Variants in CUL9 observed in about 807,000 individuals in gnomAD.
The protein encoded by CUL9 is cullin-9.
In CUL9, 79 loss-of-function variants were observed where a neutral mutation model predicts 272.6. That is an observed-to-expected ratio of 0.29 (90% confidence interval 0.24 to 0.35). The LOEUF (loss-of-function observed/expected upper bound fraction) is 0.35, where lower values mean the gene tolerates loss of function less well. Ranked by LOEUF, CUL9 falls within the 10% of genes least tolerant of loss-of-function variation. The pLI is 1.00. For synonymous variants in CUL9, 1,186 were observed against 1,286.5 expected, an observed-to-expected ratio of 0.92 and a Z score of 1.67; for missense variants, 2,532 against 3,255.6, an observed-to-expected ratio of 0.78 and a Z score of 5.41.
At chr6:43,183,685 T>G (rs1772632639) in intron 1 of CUL9, among the ~76,000 whole-genome samples, 1 of 151,944 alleles carries the variant, frequency 6.6e-6, no homozygotes, top group Non-Finnish European at 1.5e-5. Context: ...TCTCTTTTTG[T>G]AAACTCCCCT....
In CUL9 at chr6:43,213,927, G is replaced by T; in HGVS notation, c.5688+15G>T. 1 of 1,613,686 alleles carries T rather than the reference G, an allele frequency of 6.2e-7. No individual in the cohort carries two copies. The highest frequency in any genetic ancestry group is 1.1e-5 in the South Asian group (1 of 91,072). ...TGGTTTGTCTGGTAGGCAGAGAGGGGACCATGAAGTTGGCGGAGGGAGGGA... is the reference window on the plus strand; with the variant it reads ...TGGTTTGTCTGGTAGGCAGAGAGGGTACCATGAAGTTGGCGGAGGGAGGGA... On this transcript the variant is annotated intron_variant, in intron 29 of 40. Coordinates refer to ENST00000252050, the MANE Select transcript of CUL9 (RefSeq NM_015089.4). The surrounding 1 kb of genome is among the most constrained non-coding windows in gnomAD (Gnocchi z 5.7).
intron 3 of CUL9, 68 bp from the exon 4 acceptor site, chr6:43,185,887 T>C: frequency 6.6e-7 from 1 of 1,520,212 alleles, no homozygotes; most frequent in Non-Finnish European, 8.8e-7. Context: ...TAGAGGAGGA[T>C]ACTTCAGGGA....
In CUL9 at chr6:43,223,092, A is replaced by G; in HGVS notation, c.7151-172A>G. 9.8e-7 allele frequency: 1 copy of G among 1,019,514 alleles called. No individual in the cohort carries two copies. The highest frequency in any genetic ancestry group is 2.8e-5 in the Admixed American group (1 of 35,656). The allele number at this position is 1,019,514 out of a possible 1,614,324, so 63.2% of individuals were successfully genotyped here. ...CATTGTAAGGTGCCCAAGGGCGCAGATGTTCGTGGATGTTTCTTGGTTTCT... is the reference window on the plus strand; with the variant it reads ...CATTGTAAGGTGCCCAAGGGCGCAGGTGTTCGTGGATGTTTCTTGGTTTCT... On this transcript the variant is annotated intron_variant, in intron 38 of 40. Transcript: ENST00000252050. The surrounding 1 kb of genome is among the most constrained non-coding windows in gnomAD (Gnocchi z 4.1).
chr6:43,204,356 T>A lies in CUL9; in HGVS notation c.4160-4T>A. Reference sequence around the variant, plus strand: ...AGACCTGTTCCTGACCTGTCTTCTTTCAGATGCGGAAGGCGTGAGTGCCCT... The same window carrying A: ...AGACCTGTTCCTGACCTGTCTTCTTACAGATGCGGAAGGCGTGAGTGCCCT... On this transcript the variant is annotated splice_region_variant and splice_polypyrimidine_tract_variant and intron_variant, in intron 20 of 40. Transcript: ENST00000252050. 1 of 1,613,660 alleles carries A rather than the reference T, an allele frequency of 6.2e-7. No individual in the cohort carries two copies. The highest frequency in any genetic ancestry group is 8.5e-7 in the Non-Finnish European group (1 of 1,179,616).
chr6:43,208,126 T>C (rs1775186091), intron 26 of CUL9, among the ~76,000 whole-genome samples: 1 of 152,234 alleles, frequency 6.6e-6, no homozygotes, highest in Non-Finnish European at 1.5e-5. Context: ...ATGATAGTCA[T>C]TGGTGGCAAT....
Position 43,204,690 on chromosome 6 carries a change from C to G in CUL9, c.4340-58C>G, listed in dbSNP as rs558896166. ...TTTCCAGGAGATCACTACCCAAGAC[C>G]GGTGTACTCACCCAGAGGCTGAGAT... On this transcript the variant is annotated intron_variant, in intron 21 of 40. Coordinates refer to ENST00000252050, the MANE Select transcript of CUL9 (RefSeq NM_015089.4). 2.4e-5 allele frequency: 38 copies of G among 1,597,238 alleles called. No individual in the cohort carries two copies. The Admixed American group carries it at 3.5e-4, about 15-fold the overall frequency.
Position 43,200,289 on chromosome 6 carries a change from T to G in CUL9, c.3384+133T>G. ...AATCTGGGGCACTTGTTTCCTAACC[T>G]TGACTCCACATGGTTCTGTCAAAAT... On this transcript the variant is annotated intron_variant, in intron 14 of 40. Transcript: ENST00000252050. The surrounding 1 kb of genome is among the most constrained non-coding windows in gnomAD (Gnocchi z 4.0). The G allele has an allele frequency of 1.4e-6, 2 of 1,479,754 alleles. No individual in the cohort carries two copies. Among genetic ancestry groups the G allele is most frequent in the Non-Finnish European group, 1.9e-6 (2 of 1,079,930 alleles). 91.7% of individuals were successfully genotyped at this position (1,479,754 alleles called of 1,614,324 possible). A position where few individuals can be genotyped will look rare whatever the true frequency, so the allele number is the denominator to read the frequency against.
Position 43,209,492 on chromosome 6 carries a change from AT to A in CUL9, c.5212+2989del, listed in dbSNP as rs535467452. Among the ~76,000 whole-genome samples the A allele has an allele frequency of 1.4e-3, 218 of 151,434 alleles. 1 individual carries two copies. The highest frequency in any genetic ancestry group is 5.1e-3 in the African/African-American group (212 of 41,248). On this transcript the variant is annotated intron_variant, in intron 26 of 40. Transcript: ENST00000252050. ...GACCCATAATGTTTTCTATGACTTC[AT>A]TTTTTTGTCCAGGACAGGATCAGTC...
intron 8 of CUL9, among the ~76,000 whole-genome samples, chr6:43,190,994 A>T (rs149057061): frequency 7.7e-4 from 117 of 151,926 alleles, no homozygotes; most frequent in African/African-American, 2.8e-3. Context: ...TGTTTTTTTC[A>T]TCATGCTAGA....
intron 24 of CUL9, 128 bp downstream of exon 24, chr6:43,205,551 C>T: frequency 2.7e-6 from 3 of 1,130,370 alleles, no homozygotes; most frequent in South Asian, 1.5e-5. Flanking sequence ...AGATGGCTGG[C>T]CAGGCGCGGT....
In CUL9 at chr6:43,220,628, A is replaced by C; in HGVS notation, c.6423+29A>C. 6.2e-7 allele frequency: 1 copy of C among 1,612,996 alleles called. No homozygotes were observed. Among genetic ancestry groups the C allele is most frequent in the Non-Finnish European group, 8.5e-7 (1 of 1,179,380 alleles). ...TCCCCTCTCGTCTGAGAGAGGCTCCAGTGCAGAGCCAAAGGAGTGTGCCCC... is the reference window on the plus strand; with the variant it reads ...TCCCCTCTCGTCTGAGAGAGGCTCCCGTGCAGAGCCAAAGGAGTGTGCCCC... On this transcript the variant is annotated intron_variant, in intron 32 of 40. Transcript: ENST00000252050. The surrounding 1 kb of genome is among the most constrained non-coding windows in gnomAD (Gnocchi z 4.9).
At chr6:43,202,044 G>A (rs961056105) in intron 16 of CUL9, among the ~76,000 whole-genome samples, 1 of 152,226 alleles carries the variant, frequency 6.6e-6, no homozygotes, top group Non-Finnish European at 1.5e-5. Context: ...CATGTGTTCA[G>A]TTAGACAGCA....
chr6:43,184,563 C>T lies in CUL9; in HGVS notation c.253C>T (p.Leu85=). The change falls in exon 2 of 41, where the codon CTA becomes TTA. Residue 85 remains leucine (L), a synonymous_variant. Coordinates refer to ENST00000252050, the MANE Select transcript of CUL9 (RefSeq NM_015089.4). This position sits in a 1 kb window ranked among gnomAD's most constrained non-coding sequence, Gnocchi z 4.8. ...NCPGLLGERA[L]SKGLQHEPAG... is the part of the protein sequence containing the mutation. The stretch of plus-strand genomic sequence containing the variant: ...CCCTGGGCTGTTAGGTGAGCGGGCA[C>T]TATCTAAGGGACTTCAGCACGAACC... 1 of 1,613,260 alleles carries T rather than the reference C, an allele frequency of 6.2e-7. No individual in the cohort carries two copies. The highest frequency in any genetic ancestry group is 8.5e-7 in the Non-Finnish European group (1 of 1,179,360).
intron 8 of CUL9, among the ~76,000 whole-genome samples, chr6:43,191,251 A>AC (rs1773434620): frequency 1.2e-5 from 1 of 80,194 alleles, no homozygotes; most frequent in Non-Finnish European, 2.4e-5. Flanking sequence ...TCTAAATTGC[A>AC]TTGTGTGTGT....
Position 43,223,804 on chromosome 6 carries a change from C to T in CUL9, c.7285-291C>T. 1.9e-6 allele frequency: 1 copy of T among 528,582 alleles called. No individual in the cohort carries two copies. The highest frequency in any genetic ancestry group is 2.1e-5 in the South Asian group (1 of 47,304). The allele number at this position is 528,582 out of a possible 1,614,324, so 32.7% of individuals were successfully genotyped here. A position where few individuals can be genotyped will look rare whatever the true frequency, so the allele number is the denominator to read the frequency against. On this transcript the variant is annotated intron_variant, in intron 39 of 40. Coordinates refer to ENST00000252050, the MANE Select transcript of CUL9 (RefSeq NM_015089.4). The surrounding 1 kb of genome is among the most constrained non-coding windows in gnomAD (Gnocchi z 4.1). ...CTAATGCACTGATGCTGAGTCTAAA[C>T]TGTGAGTCCTGTCCTCAGGTTGCTT...
chr6:43,206,319 A>G lies in CUL9; in HGVS notation c.5023-2A>G. On this transcript the variant is annotated splice_acceptor_variant, in intron 25 of 40. Transcript: ENST00000252050. LOFTEE classifies it high-confidence loss of function. This position sits in a 1 kb window ranked among gnomAD's most constrained non-coding sequence, Gnocchi z 4.8. The stretch of plus-strand genomic sequence containing the variant: ...GGCCCTTGAAATCCTTCTGTCCCTC[A>G]GGAGGAAGAGGAGGAAGAGGAAGCT... 6.2e-7 allele frequency: 1 copy of G among 1,601,574 alleles called. No homozygotes were observed. The highest frequency in any genetic ancestry group is 8.6e-7 in the Non-Finnish European group (1 of 1,169,160).
chr6:43,213,961 TG>T lies in CUL9; in HGVS notation c.5688+52del, dbSNP rs1437933353. On this transcript the variant is annotated intron_variant, in intron 29 of 40. Transcript: ENST00000252050. The surrounding 1 kb of genome is among the most constrained non-coding windows in gnomAD (Gnocchi z 5.7). ...GTTGGCGGAGGGAGGGAGTCATGCTTGGGATTGGGGATGAACACAGTGAACT... is the reference window on the plus strand; with the variant it reads ...GTTGGCGGAGGGAGGGAGTCATGCTTGGATTGGGGATGAACACAGTGAACT... 6.3e-7 allele frequency: 1 copy of T among 1,586,038 alleles called. No homozygotes were observed. Among genetic ancestry groups the T allele is most frequent in the Admixed American group, 1.7e-5 (1 of 59,920 alleles).
intron 29 of CUL9, among the ~76,000 whole-genome samples, chr6:43,214,393 G>T (rs1363401814): frequency 6.6e-6 from 1 of 152,140 alleles, no homozygotes; most frequent in South Asian, 2.1e-4. Context: ...CCCCAGCCTG[G>T]GCAACAGAGC....
At chr6:43,193,307 G>A in intron 9 of CUL9, 99 bp downstream of exon 9, 1 of 1,010,516 alleles carries the variant, frequency 9.9e-7, no homozygotes, top group Admixed American at 1.9e-5. Flanking sequence ...AGATCAGTGA[G>A]TAGACTTTGG....
Sources: allele counts gnomAD v4.1 joint callset (sites outside exome capture counted in the v4.1 genomes callset), GRCh38; gene constraint gnomAD v4.1.1; non-coding constraint Gnocchi (gnomAD v3.1); transcripts MANE v1.5; gene names NCBI Gene and HGNC (gene_info 2026-07-23, HGNC 2026-07-21).